The following TAF8 variants were observed in gnomAD, a reference collection of about 807,000 sequenced individuals.
The protein encoded by TAF8 is transcription initiation factor TFIID subunit 8.
TAF8 carries 47 observed loss-of-function variants against 36.5 expected under a neutral mutation model. That is an observed-to-expected ratio of 1.29 (90% confidence interval 1.02 to 1.64). TAF8 has a LOEUF of 1.64. TAF8 is among the 40% of genes most tolerant of loss of function. The probability of loss-of-function intolerance (pLI) is 0.00; values close to 1 mark genes in which losing one functional copy is unlikely to be tolerated. For missense variants in TAF8, 420 were observed against 407.6 expected, an observed-to-expected ratio of 1.03 and a Z score of -0.26; for synonymous variants, 175 against 159.5, an observed-to-expected ratio of 1.10 and a Z score of -0.73.
downstream of TAF8, among the ~76,000 whole-genome samples, chr6:42,084,180 CAAAAAAAAAAA>C (rs35595303): frequency 1.6e-5 from 1 of 63,408 alleles, no homozygotes; most frequent in Non-Finnish European, 3.3e-5. Context: ...GACTCTGTCT[CAAAAAAAAAAA>C]AAAAAAAAAA....
Position 42,080,882 on chromosome 6 carries a change from A to G in TAF8, c.*3337A>G, listed in dbSNP as rs1271439651. 4.1e-6 allele frequency: 4 copies of G among 980,696 alleles called. No individual in the cohort carries two copies. The highest frequency in any genetic ancestry group is 1.7e-5 in the African/African-American group (1 of 57,150). 60.7% of individuals were successfully genotyped at this position (980,696 alleles called of 1,614,324 possible). A position where few individuals can be genotyped will look rare whatever the true frequency, so the allele number is the denominator to read the frequency against. On this transcript the variant is annotated 3_prime_UTR_variant, in exon 9 of 9. Transcript: ENST00000372977. The stretch of plus-strand genomic sequence containing the variant: ...TTTATGAAAATCTCAATAAAAATTC[A>G]TAATAAAAACTTTGTAAATAAATAG...
chr6:42,080,373 CTTTTTTTTT>C lies in TAF8; in HGVS notation c.*2836_*2844del. On this transcript the variant is annotated 3_prime_UTR_variant, in exon 9 of 9. Coordinates refer to ENST00000372977, the MANE Select transcript of TAF8 (RefSeq NM_138572.3). ...AGGCTATACTCTTTTTTTTTCTTTT[CTTTTTTTTT>C]TTTTTTTGAGACGGCATCTCACTCT... 1 of 758,768 alleles carries C rather than the reference CTTTTTTTTT, an allele frequency of 1.3e-6. No homozygotes were observed. The highest frequency in any genetic ancestry group is 1.5e-6 in the Non-Finnish European group (1 of 664,434). 47.0% of individuals were successfully genotyped at this position (758,768 alleles called of 1,614,324 possible).
downstream of TAF8, among the ~76,000 whole-genome samples, chr6:42,084,180 C>CAAAA (rs35595303): frequency 4.1e-3 from 259 of 63,340 alleles, 2 homozygotes; most frequent in Middle Eastern, 0.011. Flanking sequence ...GACTCTGTCT[C>CAAAA]AAAAAAAAAA....
In TAF8 at chr6:42,080,286, G is replaced by C. The variant is rs1582253509; in HGVS notation, c.*2741G>C. The C allele has an allele frequency of 4.1e-6, 4 of 986,598 alleles. No homozygotes were observed. Among genetic ancestry groups the C allele is most frequent in the Non-Finnish European group, 4.8e-6 (4 of 830,748 alleles). The allele number at this position is 986,598 out of a possible 1,614,324, so 61.1% of individuals were successfully genotyped here. On this transcript the variant is annotated 3_prime_UTR_variant, in exon 9 of 9. Coordinates refer to ENST00000372977, the MANE Select transcript of TAF8 (RefSeq NM_138572.3). ...CCAGTGTAAGCACCTGTTGAATGCA[G>C]ATGTGCTGAGTTAGAGGTGGGATTT...
intron 5 of TAF8, among the ~76,000 whole-genome samples, chr6:42,066,062 A>C (rs938065640): frequency 7.9e-5 from 12 of 152,132 alleles, no homozygotes; most frequent in South Asian, 4.2e-4. Flanking sequence ...CACCACACCC[A>C]GCTAATTTTT....
intron 4 of TAF8, 65 bp downstream of exon 4, chr6:42,056,079 G>T: frequency 1.9e-6 from 2 of 1,062,122 alleles, no homozygotes; most frequent in South Asian, 2.5e-5. Flanking sequence ...TGAAGTAATT[G>T]AATATGGTAG....
Position 42,079,487 on chromosome 6 carries a change from A to G in TAF8, c.*1942A>G. ...AACAACACGTGGAAGTGAACACTGG[A>G]TGAATAAGCTTGTTTCCCAAATTAG... is the stretch of plus-strand genomic sequence containing the variant. On this transcript the variant is annotated 3_prime_UTR_variant, in exon 9 of 9. Coordinates refer to ENST00000372977, the MANE Select transcript of TAF8 (RefSeq NM_138572.3). 3.0e-6 allele frequency: 3 copies of G among 985,452 alleles called. No individual in the cohort carries two copies. The highest frequency in any genetic ancestry group is 3.6e-6 in the Non-Finnish European group (3 of 829,936). The allele number at this position is 985,452 out of a possible 1,614,324, so 61.0% of individuals were successfully genotyped here. A position where few individuals can be genotyped will look rare whatever the true frequency, so the allele number is the denominator to read the frequency against.
Position 42,079,130 on chromosome 6 carries a change from A to T in TAF8, c.*1585A>T, listed in dbSNP as rs1765847237. 5 of 974,412 alleles carry T rather than the reference A, an allele frequency of 5.1e-6. No individual in the cohort carries two copies. The highest frequency in any genetic ancestry group is 2.4e-6 in the Non-Finnish European group (2 of 820,056). 60.4% of individuals were successfully genotyped at this position (974,412 alleles called of 1,614,324 possible). On this transcript the variant is annotated 3_prime_UTR_variant, in exon 9 of 9. Transcript: ENST00000372977. The stretch of plus-strand genomic sequence containing the variant: ...GAGCGAGACTCCATTTCAAAAAAAT[A>T]AAAAAAGGATAAAGTAAACAATAGG...
At chr6:42,052,831 T>C (rs1057258730) in intron 2 of TAF8, among the ~76,000 whole-genome samples, 2 of 151,942 alleles carry the variant, frequency 1.3e-5, no homozygotes, top group African/African-American at 4.8e-5. Flanking sequence ...AGATGTGGGG[T>C]GCAATGCAGG....
Position 42,068,496 on chromosome 6 carries a change from C to G in TAF8, c.669C>G (p.Tyr223Ter). The change falls in exon 7 of 9, where the codon TAC (tyrosine) becomes TAG (stop). Residue 223 changes from tyrosine (Y) to a stop codon, truncating the protein, a stop_gained. Coordinates refer to ENST00000372977, the MANE Select transcript of TAF8 (RefSeq NM_138572.3). LOFTEE classifies it high-confidence loss of function. ...LIAARPFTIPYLTALLPSELE... is the reference protein window; with the variant it reads ...LIAARPFTIP ...CTGCCAGACCTTTCACCATCCCCTACCTGACAGCTCTTCTTCCGTCTGAAC... is the reference window on the plus strand; with the variant it reads ...CTGCCAGACCTTTCACCATCCCCTAGCTGACAGCTCTTCTTCCGTCTGAAC... 1.9e-6 allele frequency: 3 copies of G among 1,614,154 alleles called. No individual in the cohort carries two copies. Among genetic ancestry groups the G allele is most frequent in the Non-Finnish European group, 2.5e-6 (3 of 1,180,046 alleles).
chr6:42,061,717 C>T (rs1049809332), intron 5 of TAF8, among the ~76,000 whole-genome samples: 1 of 152,134 alleles, frequency 6.6e-6, no homozygotes, highest in Non-Finnish European at 1.5e-5. Context: ...AAGCCAAACA[C>T]CATTTCATAT....
chr6:42,074,105 T>C (rs1765673644), intron 7 of TAF8, among the ~76,000 whole-genome samples: 1 of 152,092 alleles, frequency 6.6e-6, no homozygotes, highest in Admixed American at 6.6e-5. Flanking sequence ...TTGGGCAACA[T>C]AGTGAGACCC....
intron 7 of TAF8, among the ~76,000 whole-genome samples, chr6:42,072,138 C>G (rs1368054497): frequency 6.6e-6 from 1 of 152,184 alleles, no homozygotes; most frequent in Non-Finnish European, 1.5e-5. Flanking sequence ...ACAGGGGGAG[C>G]GTGAGACAGA....
Position 42,077,716 on chromosome 6 carries a change from T to C in TAF8, c.*171T>C. ...TCTTATTAAGATGACCTATTTTCAC[T>C]GGATGTTTGGGTTGAGGAAGATATG... On this transcript the variant is annotated 3_prime_UTR_variant, in exon 9 of 9. Coordinates refer to ENST00000372977, the MANE Select transcript of TAF8 (RefSeq NM_138572.3). The C allele has an allele frequency of 6.8e-7, 1 of 1,465,422 alleles. No individual in the cohort carries two copies. The allele number at this position is 1,465,422 out of a possible 1,614,324, so 90.8% of individuals were successfully genotyped here. A position where few individuals can be genotyped will look rare whatever the true frequency, so the allele number is the denominator to read the frequency against.
At chr6:42,084,372 C>T (rs930914162), downstream of TAF8, among the ~76,000 whole-genome samples, 3 of 152,108 alleles carry the variant, frequency 2.0e-5, no homozygotes, top group African/African-American at 7.2e-5. Flanking sequence ...ACTGTTCATC[C>T]TCATGATATC....
At chr6:42,068,874 C>T (rs1765458290) in intron 7 of TAF8, among the ~76,000 whole-genome samples, 1 of 152,146 alleles carries the variant, frequency 6.6e-6, no homozygotes, top group Non-Finnish European at 1.5e-5. Flanking sequence ...ACAAAATTCC[C>T]TGTCCTCATG....
downstream of TAF8, chr6:42,086,773 C>T: frequency 2.6e-6 from 4 of 1,549,562 alleles, no homozygotes; most frequent in Non-Finnish European, 3.5e-6. Flanking sequence ...CAAGTGCTCC[C>T]CAAGGAGATC....
At chr6:42,076,944 C>T (rs1765767725) in intron 7 of TAF8, among the ~76,000 whole-genome samples, 156 bp from the exon 8 acceptor site, 1 of 152,170 alleles carries the variant, frequency 6.6e-6, no homozygotes, top group African/African-American at 2.4e-5. Flanking sequence ...CTGCCTGGTC[C>T]TCGCTTCATC....
In TAF8 at chr6:42,066,162, A is replaced by G; in HGVS notation, c.490-150A>G. On this transcript the variant is annotated intron_variant, in intron 5 of 8. Transcript: ENST00000372977. ...GTGATCCACCAGCCTTGGCCTCCCAAAGTGCTGGGATTACAGGTGTGAGCC... is the reference window on the plus strand; with the variant it reads ...GTGATCCACCAGCCTTGGCCTCCCAGAGTGCTGGGATTACAGGTGTGAGCC... 1.1e-6 allele frequency: 1 copy of G among 925,518 alleles called. No homozygotes were observed. 57.3% of individuals were successfully genotyped at this position (925,518 alleles called of 1,614,324 possible). A position where few individuals can be genotyped will look rare whatever the true frequency, so the allele number is the denominator to read the frequency against.
Sources: allele counts gnomAD v4.1 joint callset (sites outside exome capture counted in the v4.1 genomes callset), GRCh38; gene constraint gnomAD v4.1.1; transcripts MANE v1.5; gene names NCBI Gene and HGNC (gene_info 2026-07-23, HGNC 2026-07-21).